ARL15: variants seen among roughly 807,000 people sequenced by gnomAD.
The protein encoded by ARL15 is ARF like GTPase 15, also known as ADP-ribosylation factor-like protein 15.
ARL15 carries 19 observed loss-of-function variants against 25.2 expected under a neutral mutation model. The ratio of observed to expected loss-of-function variants is 0.75; its 90% confidence interval spans 0.53 to 1.10. ARL15 has a LOEUF of 1.10. Among genes scored for constraint, ARL15 ranks in the 50% least tolerant of loss-of-function variants. The pLI is 0.00. For missense variants in ARL15, 220 were observed against 246.0 expected, an observed-to-expected ratio of 0.89 and a Z score of 0.71; for synonymous variants, 94 against 86.8, an observed-to-expected ratio of 1.08 and a Z score of -0.46.
At chr5:54,061,273 G>A (rs156841) in intron 4 of ARL15, among the ~76,000 whole-genome samples, 97,592 of 152,006 alleles carry the variant, frequency 0.64, 31,288 homozygotes, top group Admixed American at 0.67. Context: ...AGCCTTCACA[G>A]CTTCCATGTG....
intron 4 of ARL15, among the ~76,000 whole-genome samples, chr5:54,025,002 G>A (rs995512484): frequency 5.9e-5 from 9 of 152,124 alleles, no homozygotes; most frequent in South Asian, 2.1e-4. Flanking sequence ...TGTAGTATGT[G>A]TGTTTATGTT....
chr5:54,266,140 T>C (rs1026955018), intron 1 of ARL15, among the ~76,000 whole-genome samples: 2 of 152,208 alleles, frequency 1.3e-5, no homozygotes, highest in Non-Finnish European at 2.9e-5. Context: ...AGCAACATCT[T>C]TTGAGCCTAA....
intron 3 of ARL15, among the ~76,000 whole-genome samples, chr5:54,123,727 C>T (rs1753161685): frequency 6.6e-6 from 1 of 152,166 alleles, no homozygotes; most frequent in African/African-American, 2.4e-5. Context: ...TTTCTTCATA[C>T]TTAATCATAT....
intron 4 of ARL15, among the ~76,000 whole-genome samples, chr5:53,911,083 C>A (rs1745449637): frequency 6.6e-6 from 1 of 152,120 alleles, no homozygotes; most frequent in Non-Finnish European, 1.5e-5. Flanking sequence ...ATACACGAAG[C>A]TTCATTGAAA....
chr5:54,267,611 T>A (rs1757664258), intron 1 of ARL15, among the ~76,000 whole-genome samples: 1 of 152,084 alleles, frequency 6.6e-6, no homozygotes, highest in Non-Finnish European at 1.5e-5. Context: ...TCTCTAGGTA[T>A]CACAGAGATT....
chr5:54,006,472 T>G (rs10805455), intron 4 of ARL15, among the ~76,000 whole-genome samples: 41,473 of 125,536 alleles, frequency 0.33, 5,879 homozygotes, highest in East Asian at 0.46. Flanking sequence ...TAACAATTGA[T>G]TTTTTTTTTT....
chr5:54,087,167 G>A (rs527572417), intron 4 of ARL15, among the ~76,000 whole-genome samples: 2 of 151,854 alleles, frequency 1.3e-5, no homozygotes, highest in East Asian at 1.9e-4. Context: ...AAACCCCGTC[G>A]CTACTAAAAA....
At chr5:54,069,457 G>C (rs1286342089) in intron 4 of ARL15, among the ~76,000 whole-genome samples, 1 of 148,668 alleles carries the variant, frequency 6.7e-6, no homozygotes, top group African/African-American at 2.5e-5. Context: ...TGTAGTCCCA[G>C]CTACTCGGGA....
At chr5:54,183,609 C>A (rs1315833485) in intron 1 of ARL15, among the ~76,000 whole-genome samples, 1 of 151,448 alleles carries the variant, frequency 6.6e-6, no homozygotes, top group Non-Finnish European at 1.5e-5. Flanking sequence ...GTCTAAAATT[C>A]TCGTTTTTGT....
intron 4 of ARL15, among the ~76,000 whole-genome samples, chr5:53,977,697 C>A (rs1336339415): frequency 6.6e-6 from 1 of 152,122 alleles, no homozygotes; most frequent in African/African-American, 2.4e-5. Flanking sequence ...TCAAACCAAG[C>A]TCTTTGATGA....
intron 4 of ARL15, among the ~76,000 whole-genome samples, chr5:53,905,008 G>A (rs7715408): frequency 0.18 from 26,944 of 152,106 alleles, 2,428 homozygotes; most frequent in East Asian, 0.22. Context: ...GATTACAGGT[G>A]TGAACCACCA....
At chr5:54,185,293 T>C (rs1311393110) in intron 1 of ARL15, among the ~76,000 whole-genome samples, 1 of 152,162 alleles carries the variant, frequency 6.6e-6, no homozygotes, top group Admixed American at 6.5e-5. Context: ...TTCCTCTGGC[T>C]GGCTCTTAGT....
At chr5:54,220,693 C>T (rs564762381) in intron 1 of ARL15, among the ~76,000 whole-genome samples, 1 of 152,290 alleles carries the variant, frequency 6.6e-6, no homozygotes, top group South Asian at 2.1e-4. Context: ...AGTTTGTTTA[C>T]TAGTGAAATT....
At chr5:53,928,079 T>A (rs759111721) in intron 4 of ARL15, among the ~76,000 whole-genome samples, 10 of 152,184 alleles carry the variant, frequency 6.6e-5, no homozygotes, top group Non-Finnish European at 1.5e-4. Flanking sequence ...ATCTCCACAC[T>A]CATTCTCAGC....
intron 3 of ARL15, among the ~76,000 whole-genome samples, chr5:54,115,464 T>C (rs569108302): frequency 5.9e-5 from 9 of 152,280 alleles, no homozygotes; most frequent in African/African-American, 2.2e-4. Context: ...GGTAAATTTC[T>C]TGAAAGAATA....
intron 1 of ARL15, among the ~76,000 whole-genome samples, chr5:54,293,022 T>C (rs1217676576): frequency 1.3e-5 from 2 of 152,226 alleles, no homozygotes; most frequent in East Asian, 1.9e-4. Context: ...ATGTACTGTA[T>C]ATAAAATTTT....
chr5:53,990,797 A>G (rs1748463543), intron 4 of ARL15, among the ~76,000 whole-genome samples: 1 of 152,210 alleles, frequency 6.6e-6, no homozygotes, highest in Admixed American at 6.5e-5. Flanking sequence ...TGATTCTGCA[A>G]GAGAAGAATT....
At chr5:53,936,045 G>A (rs1746340094) in intron 4 of ARL15, among the ~76,000 whole-genome samples, 1 of 152,006 alleles carries the variant, frequency 6.6e-6, no homozygotes. Context: ...ATCGTGCCCG[G>A]CCTCTGAGGT....
In ARL15 at chr5:54,282,616, C is replaced by T. The variant is rs149390666; in HGVS notation, c.48+27816G>A. ...AACTTATTGTAATGGTTTAATTTTACTTCTTTCAAATCTTGCTCTAATATC... is the reference window on the plus strand; with the variant it reads ...AACTTATTGTAATGGTTTAATTTTATTTCTTTCAAATCTTGCTCTAATATC... On this transcript the variant is annotated intron_variant, in intron 1 of 4. Transcript: ENST00000504924. The T allele has an allele frequency of 8.9e-5, 86 of 962,440 alleles. No homozygotes were observed. The Middle Eastern group carries it at 1.6e-3, about 18-fold the overall frequency. The allele number at this position is 962,440 out of a possible 1,614,324, so 59.6% of individuals were successfully genotyped here.
Sources: gnomAD v4.1 joint callset for allele counts (sites outside exome capture counted in the v4.1 genomes callset) on GRCh38, gnomAD v4.1.1 for gene constraint, MANE v1.5 for transcripts, NCBI Gene and HGNC (gene_info 2026-07-23, HGNC 2026-07-21) for gene names.